ARHGAP26: variants seen among roughly 807,000 people sequenced by gnomAD.
The protein encoded by ARHGAP26 is Rho GTPase activating protein 26.
A neutral mutation model predicts 104.8 loss-of-function variants in ARHGAP26; 38 were observed. The observed-to-expected ratio is 0.36, with a 90% CI of 0.28 to 0.48. The LOEUF (loss-of-function observed/expected upper bound fraction) is 0.48, where lower values mean the gene tolerates loss of function less well. Among genes scored for constraint, ARHGAP26 ranks in the 20% least tolerant of loss-of-function variants. ARHGAP26 has a pLI of 0.99. For missense variants in ARHGAP26, 704 were observed against 947.9 expected, an observed-to-expected ratio of 0.74 and a Z score of 3.38; for synonymous variants, 341 against 340.0, an observed-to-expected ratio of 1.00 and a Z score of -0.03.
chr5:142,837,955 C>A (rs902672073), intron 1 of ARHGAP26, among the ~76,000 whole-genome samples: 1 of 152,122 alleles, frequency 6.6e-6, no homozygotes, highest in African/African-American at 2.4e-5. Flanking sequence ...TGAGTGTTTG[C>A]AGGTATGACA....
chr5:143,044,756 T>A (rs2578593), intron 14 of ARHGAP26, among the ~76,000 whole-genome samples: 70,068 of 152,062 alleles, frequency 0.46, 19,056 homozygotes, highest in African/African-American at 0.75. Flanking sequence ...TAGGAGCATA[T>A]TGTTGGCTCC....
chr5:142,775,656 T>G (rs1341313027), intron 1 of ARHGAP26, among the ~76,000 whole-genome samples: 5 of 152,200 alleles, frequency 3.3e-5, no homozygotes, highest in African/African-American at 4.8e-5. Context: ...CCCCCAACCC[T>G]AGTAACCTCT....
At position 143,228,709 on chromosome 5, in the gene ARHGAP26, A is replaced by G. The variant is rs937956413; in HGVS notation, c.*6263A>G. The G allele has an allele frequency of 2.4e-5, 5 of 205,912 alleles. No individual in the cohort carries two copies. The highest frequency in any genetic ancestry group is 1.6e-3 in the Middle Eastern group (1 of 630). 12.8% of individuals were successfully genotyped at this position (205,912 alleles called of 1,614,324 possible). ...TGGCACTTTAATGTTTTCTTTTAAA[A>G]TAACGCACTGTTCTAAACTTCAGTA... On this transcript the variant is annotated 3_prime_UTR_variant, in exon 23 of 23. Coordinates refer to ENST00000645722, the MANE Select transcript of ARHGAP26 (RefSeq NM_001135608.3).
chr5:143,082,926 G>A (rs1158472422), intron 17 of ARHGAP26, among the ~76,000 whole-genome samples: 1 of 152,210 alleles, frequency 6.6e-6, no homozygotes, highest in African/African-American at 2.4e-5. Flanking sequence ...AGAGGTTGAT[G>A]TAGCTCATTT....
At chr5:142,962,171 T>A (rs1770367154) in intron 11 of ARHGAP26, among the ~76,000 whole-genome samples, 1 of 152,232 alleles carries the variant, frequency 6.6e-6, no homozygotes, top group Admixed American at 6.5e-5. Context: ...ATACCAGACA[T>A]TTCATGCCCT....
Position 142,823,242 on chromosome 5 carries a change from A to G in ARHGAP26, c.155-50158A>G, listed in dbSNP as rs1431016525. ...AACACATGAGCATTTAATTCTCTTC[A>G]GGTAAGGACACTGACCTGTAGAAAG... On this transcript the variant is annotated intron_variant, in intron 1 of 22. Coordinates refer to ENST00000645722, the MANE Select transcript of ARHGAP26 (RefSeq NM_001135608.3). Among the ~76,000 whole-genome samples, 3 of 152,294 alleles carry G rather than the reference A, an allele frequency of 2.0e-5. No homozygotes were observed. In the South Asian group the frequency reaches 6.2e-4, roughly 32 times the overall value.
At chr5:143,100,664 C>G (rs1252374056) in intron 17 of ARHGAP26, among the ~76,000 whole-genome samples, 1 of 152,256 alleles carries the variant, frequency 6.6e-6, no homozygotes, top group African/African-American at 2.4e-5. Context: ...GCTTGGCAGT[C>G]TCCTTAGGGA....
In ARHGAP26 at chr5:143,226,843, CAG is replaced by C; in HGVS notation, c.*4400_*4401del. ...TATTGACAGACTGGCATTAGCAGGA[CAG>C]AGCCATACTAGTGACAAGGGCATCC... On this transcript the variant is annotated 3_prime_UTR_variant, in exon 23 of 23. Transcript: ENST00000645722. The C allele has an allele frequency of 4.4e-6, 1 of 225,636 alleles. No individual in the cohort carries two copies. Among genetic ancestry groups the C allele is most frequent in the Non-Finnish European group, 8.8e-6 (1 of 113,292 alleles). 14.0% of individuals were successfully genotyped at this position (225,636 alleles called of 1,614,324 possible). A position where few individuals can be genotyped will look rare whatever the true frequency, so the allele number is the denominator to read the frequency against.
intron 18 of ARHGAP26, among the ~76,000 whole-genome samples, chr5:143,123,304 A>G (rs1599117434): frequency 6.6e-6 from 1 of 152,364 alleles, no homozygotes; most frequent in East Asian, 1.9e-4. Context: ...GGAATAAGCC[A>G]TCTTGACTCC....
intron 10 of ARHGAP26, among the ~76,000 whole-genome samples, chr5:142,929,118 T>C (rs9324899): frequency 0.13 from 20,305 of 152,128 alleles, 3,670 homozygotes; most frequent in African/African-American, 0.41. Flanking sequence ...TTGTATTTTT[T>C]AGTAGAGACA....
At chr5:143,166,034 G>T in intron 20 of ARHGAP26, 1 of 1,321,838 alleles carries the variant, frequency 7.6e-7, no homozygotes, top group Non-Finnish European at 1.0e-6. Flanking sequence ...CAGGCACTGG[G>T]GATTTGGAAT....
intron 11 of ARHGAP26, among the ~76,000 whole-genome samples, chr5:143,004,017 C>CAAAAAAAA (rs144058530): frequency 8.5e-6 from 1 of 118,176 alleles, no homozygotes; most frequent in African/African-American, 3.7e-5. Flanking sequence ...AATTTATAGA[C>CAAAAAAAA]AAAAAAAAAA....
At chr5:143,208,212 G>C (rs1410107179) in intron 21 of ARHGAP26, among the ~76,000 whole-genome samples, 1 of 152,138 alleles carries the variant, frequency 6.6e-6, no homozygotes, top group Non-Finnish European at 1.5e-5. Flanking sequence ...TTTACAACCG[G>C]GAAAAGAACG....
intron 3 of ARHGAP26, among the ~76,000 whole-genome samples, chr5:142,877,253 C>A (rs1381033898): frequency 6.6e-6 from 1 of 152,308 alleles, no homozygotes; most frequent in East Asian, 1.9e-4. Flanking sequence ...TCCATCAGTT[C>A]AGTTAAGCTC....
intron 1 of ARHGAP26, among the ~76,000 whole-genome samples, chr5:142,869,587 A>G (rs1754968189): frequency 6.6e-6 from 1 of 152,192 alleles, no homozygotes; most frequent in Non-Finnish European, 1.5e-5. Context: ...CACAAAGGCA[A>G]TAGATGCACT....
chr5:142,827,167 G>C (rs1767459866), intron 1 of ARHGAP26, among the ~76,000 whole-genome samples: 1 of 151,564 alleles, frequency 6.6e-6, no homozygotes, highest in Admixed American at 6.6e-5. Context: ...GCCGGAAGTT[G>C]CTTGGTGAGA....
intron 1 of ARHGAP26, among the ~76,000 whole-genome samples, chr5:142,779,993 A>C (rs1757172331): frequency 6.6e-6 from 1 of 152,232 alleles, no homozygotes; most frequent in African/African-American, 2.4e-5. Context: ...GAGAATGTGA[A>C]TATCCCTCCA....
chr5:143,086,826 G>C (rs1448058173), intron 17 of ARHGAP26, among the ~76,000 whole-genome samples: 1 of 152,186 alleles, frequency 6.6e-6, no homozygotes, highest in East Asian at 1.9e-4. Context: ...TGATATGGAG[G>C]GGGGCCACTG....
intron 11 of ARHGAP26, among the ~76,000 whole-genome samples, chr5:142,955,095 TACAC>T (rs11419144): frequency 1.2e-3 from 64 of 52,594 alleles, no homozygotes; most frequent in Admixed American, 2.6e-3. Flanking sequence ...GAGACCTGTC[TACAC>T]ACACACACAC....
Sources: allele counts gnomAD v4.1 joint callset (sites outside exome capture counted in the v4.1 genomes callset), GRCh38; gene constraint gnomAD v4.1.1; transcripts MANE v1.5; gene names NCBI Gene and HGNC (gene_info 2026-07-23, HGNC 2026-07-21).